Variants in EPB41L4A observed in about 807,000 individuals in gnomAD.
EPB41L4A encodes band 4.1-like protein 4A.
A neutral mutation model predicts 108.6 loss-of-function variants in EPB41L4A; 100 were observed. The ratio of observed to expected loss-of-function variants is 0.92; its 90% CI spans 0.78 to 1.09. EPB41L4A has a LOEUF of 1.09. Among genes scored for constraint, EPB41L4A ranks in the 50% least tolerant of loss-of-function variants. The pLI is 0.00. For synonymous variants in EPB41L4A, 319 were observed against 289.0 expected, an observed-to-expected ratio of 1.10 and a Z score of -1.05; for missense variants, 1,030 against 842.7, an observed-to-expected ratio of 1.22 and a Z score of -2.75.
At chr5:112,256,682 T>C (rs1029054582) in intron 9 of EPB41L4A, among the ~76,000 whole-genome samples, 5 of 152,088 alleles carry the variant, frequency 3.3e-5, no homozygotes, top group African/African-American at 4.8e-5. Context: ...AAAATTCTTA[T>C]GATACAATAT....
At chr5:112,276,690 T>C (rs1316508379) in intron 3 of EPB41L4A, among the ~76,000 whole-genome samples, 3 of 152,142 alleles carry the variant, frequency 2.0e-5, no homozygotes, top group Non-Finnish European at 4.4e-5. Flanking sequence ...ATAAATAAAG[T>C]CACAAATTTA....
intron 1 of EPB41L4A, among the ~76,000 whole-genome samples, chr5:112,352,760 G>A (rs1215832367): frequency 6.6e-6 from 1 of 152,134 alleles, no homozygotes; most frequent in African/African-American, 2.4e-5. Context: ...GTTGATGTGT[G>A]TTATATCTCA....
At chr5:112,220,892 T>C (rs892016344) in intron 12 of EPB41L4A, among the ~76,000 whole-genome samples, 1 of 152,198 alleles carries the variant, frequency 6.6e-6, no homozygotes, top group African/African-American at 2.4e-5. Context: ...AACCAACCTT[T>C]GCTAAGCCCC....
intron 18 of EPB41L4A, among the ~76,000 whole-genome samples, chr5:112,171,681 T>G (rs1760589037): frequency 6.6e-6 from 1 of 152,232 alleles, no homozygotes; most frequent in African/African-American, 2.4e-5. Context: ...CAGTCAGCAT[T>G]CAAGTGTTTG....
chr5:112,307,432 T>A lies in EPB41L4A; in HGVS notation c.158A>T (p.Glu53Val). ...GTAACGTAGCCCAAAATAATCTATC[T>A]CCACAAGGTTTACGTGATGGAATAC... ...DHVFHHVNLV[E>V]IDYFGLRYCD... Residue 53 changes from glutamate (E) to valine (V), a missense_variant, in exon 2 of 23, where the codon GAG becomes GTG. Physicochemically the swap from Glu to Val is moderately radical, Grantham distance 121. Coordinates refer to ENST00000261486, the MANE Select transcript of EPB41L4A (RefSeq NM_022140.5). 1.2e-6 allele frequency: 2 copies of A among 1,613,328 alleles called. 1 individual carries two copies.
chr5:112,317,710 A>G (rs1755520561), intron 1 of EPB41L4A, among the ~76,000 whole-genome samples: 1 of 152,252 alleles, frequency 6.6e-6, no homozygotes, highest in Admixed American at 6.5e-5. Flanking sequence ...TAGATATCAT[A>G]GTTGCAAAAA....
intron 4 of EPB41L4A, among the ~76,000 whole-genome samples, chr5:112,269,966 G>T (rs751734265): frequency 6.6e-6 from 1 of 152,136 alleles, no homozygotes; most frequent in Non-Finnish European, 1.5e-5. Context: ...AGCACAACAC[G>T]AGAGACGGGC....
chr5:112,171,034 T>A (rs992926114), intron 18 of EPB41L4A, 42 bp from the exon 19 acceptor site: 2 of 1,534,088 alleles, frequency 1.3e-6, no homozygotes, highest in Non-Finnish European at 1.8e-6. Context: ...CAAACATGCT[T>A]CATCTCACAA....
At chr5:112,417,110 G>A (rs1025039369) in intron 1 of EPB41L4A, among the ~76,000 whole-genome samples, 1 of 152,216 alleles carries the variant, frequency 6.6e-6, no homozygotes, top group African/African-American at 2.4e-5. Flanking sequence ...CAAAGTAACA[G>A]TATTACATAG....
chr5:112,403,174 T>C lies in EPB41L4A; in HGVS notation c.99+15767A>G, dbSNP rs146047825. Among the ~76,000 whole-genome samples the C allele has an allele frequency of 2.9e-3, 448 of 152,318 alleles. 2 individuals are homozygous for C. The highest frequency in any genetic ancestry group is 0.01 in the African/African-American group (417 of 41,560). The stretch of plus-strand genomic sequence containing the variant: ...TCAACCTGGAGGCTGGTTTCCTTTA[T>C]AGCTGTTCTCTGGGAATCTGTGTCT... On this transcript the variant is annotated intron_variant, in intron 1 of 22. Coordinates refer to ENST00000261486, the MANE Select transcript of EPB41L4A (RefSeq NM_022140.5).
rs1338616873 is a variant in EPB41L4A, at chr5:112,344,438, T to G, written c.100-36948A>C. 2.0e-5 allele frequency among the ~76,000 whole-genome samples: 3 copies of G among 152,228 alleles called. No individual in the cohort carries two copies. In the East Asian group the frequency reaches 5.8e-4, roughly 29 times the overall value. On this transcript the variant is annotated intron_variant, in intron 1 of 22. Coordinates refer to ENST00000261486, the MANE Select transcript of EPB41L4A (RefSeq NM_022140.5). ...GATGGAGATGTGGATGAGGCAAGACTGGTTTATAGTGTTTGTTGTACATGG... is the reference window on the plus strand; with the variant it reads ...GATGGAGATGTGGATGAGGCAAGACGGGTTTATAGTGTTTGTTGTACATGG...
In EPB41L4A at chr5:112,259,884, T is replaced by TGG. The variant is rs749969238; in HGVS notation, c.731+6_731+7insCC. 8 of 1,610,004 alleles carry TGG rather than the reference T, an allele frequency of 5.0e-6. No homozygotes were observed. In the East Asian group the frequency reaches 1.8e-4, roughly 36 times the overall value. On this transcript the variant is annotated splice_region_variant and intron_variant, in intron 8 of 22. Coordinates refer to ENST00000261486, the MANE Select transcript of EPB41L4A (RefSeq NM_022140.5). ...GAATGCCAACTCTGTTCTCAAGCCATACCTACCAGAAATACTTCCCCACTT... is the reference window on the plus strand; with the variant it reads ...GAATGCCAACTCTGTTCTCAAGCCATGGACCTACCAGAAATACTTCCCCACTT...
At chr5:112,350,031 C>A (rs1430894724) in intron 1 of EPB41L4A, among the ~76,000 whole-genome samples, 1 of 152,108 alleles carries the variant, frequency 6.6e-6, no homozygotes. Context: ...CGAACTGTTG[C>A]CATGACAGAA....
At chr5:112,189,939 C>CCTA (rs1761612132) in intron 17 of EPB41L4A, among the ~76,000 whole-genome samples, 1 of 152,196 alleles carries the variant, frequency 6.6e-6, no homozygotes, top group Non-Finnish European at 1.5e-5. Context: ...GTTTCACTCT[C>CCTA]CTAAGTCTAC....
At chr5:112,405,155 C>T (rs1041712757) in intron 1 of EPB41L4A, among the ~76,000 whole-genome samples, 2 of 152,132 alleles carry the variant, frequency 1.3e-5, no homozygotes, top group African/African-American at 2.4e-5. Flanking sequence ...CATATTCTCT[C>T]GGGTCACTTT....
At chr5:112,305,332 G>A (rs972578414) in intron 2 of EPB41L4A, among the ~76,000 whole-genome samples, 4 of 152,060 alleles carry the variant, frequency 2.6e-5, no homozygotes, top group African/African-American at 4.8e-5. Flanking sequence ...GATGAGTTCC[G>A]GGGTTCTAGG....
intron 1 of EPB41L4A, among the ~76,000 whole-genome samples, chr5:112,402,458 C>A (rs1251586064): frequency 6.6e-6 from 1 of 152,118 alleles, no homozygotes. Flanking sequence ...TTGCTAACAA[C>A]ATGACTTTGG....
At chr5:112,378,539 T>C (rs1759966605) in intron 1 of EPB41L4A, among the ~76,000 whole-genome samples, 1 of 152,208 alleles carries the variant, frequency 6.6e-6, no homozygotes. Context: ...GTTTCCTCGA[T>C]AAATTAACAA....
rs1028816908 is a variant in EPB41L4A at position 112,406,346 on chromosome 5, T to G, written c.99+12595A>C. 2.0e-4 allele frequency among the ~76,000 whole-genome samples: 31 copies of G among 152,140 alleles called. 1 individual carries two copies. The highest frequency in any genetic ancestry group is 7.2e-4 in the African/African-American group (30 of 41,408). On this transcript the variant is annotated intron_variant, in intron 1 of 22. Coordinates refer to ENST00000261486, the MANE Select transcript of EPB41L4A (RefSeq NM_022140.5). The stretch of plus-strand genomic sequence containing the variant: ...TTTTTAATTTTATTTCCTGGAGAGA[T>G]ATGCAGCATGGAGCTTTAAAAACTC...
Sources: gnomAD v4.1 joint callset for allele counts (sites outside exome capture counted in the v4.1 genomes callset) on GRCh38, gnomAD v4.1.1 for gene constraint, MANE v1.5 for transcripts, NCBI Gene and HGNC (gene_info 2026-07-23, HGNC 2026-07-21) for gene names.